Variants in GABRR2 observed in about 807,000 individuals in gnomAD.
GABRR2 encodes gamma-aminobutyric acid receptor subunit rho-2.
In GABRR2, 36 loss-of-function variants were observed where a neutral mutation model predicts 47.0. The ratio of observed to expected loss-of-function variants is 0.77; its 90% CI spans 0.59 to 1.01. The LOEUF is 1.01. GABRR2 is among the 50% of genes least tolerant of loss of function. The probability of loss-of-function intolerance (pLI) is 0.00; values close to 1 mark genes in which losing one functional copy is unlikely to be tolerated. For synonymous variants in GABRR2, 204 were observed against 227.5 expected (o/e 0.90, Z 0.93); for missense variants, 587 against 594.6 (o/e 0.99, Z 0.13).
chr6:89,290,916 G>A (rs1483308848), intron 2 of GABRR2, among the ~76,000 whole-genome samples: 1 of 152,166 alleles, frequency 6.6e-6, no homozygotes. Context: ...GCCTGGCAAT[G>A]GCTCCACATT....
intron 2 of GABRR2, among the ~76,000 whole-genome samples, chr6:89,274,767 T>A (rs755735570): frequency 1.3e-5 from 2 of 151,970 alleles, no homozygotes; most frequent in Non-Finnish European, 2.9e-5. Context: ...CTCAGGAGAC[T>A]GAGGTGGAGA....
chr6:89,313,769 T>G (rs547535432), intron 1 of GABRR2, among the ~76,000 whole-genome samples: 236 of 152,044 alleles, frequency 1.6e-3, no homozygotes, highest in African/African-American at 5.4e-3. Flanking sequence ...ATACAAAAAT[T>G]AGCCAGGCAT....
intron 2 of GABRR2, among the ~76,000 whole-genome samples, chr6:89,275,216 T>A (rs1774136557): frequency 6.6e-6 from 1 of 152,212 alleles, no homozygotes; most frequent in Admixed American, 6.5e-5. Context: ...GCAAGCTAAG[T>A]AATTCACACT....
intron 6 of GABRR2, among the ~76,000 whole-genome samples, chr6:89,267,339 G>A (rs1385051562): frequency 6.6e-6 from 1 of 152,124 alleles, no homozygotes; most frequent in East Asian, 1.9e-4. Context: ...GCCGAGGTAG[G>A]AGGATTGCTT....
intron 2 of GABRR2, among the ~76,000 whole-genome samples, chr6:89,289,731 G>T (rs1219263484): frequency 6.6e-6 from 1 of 152,144 alleles, no homozygotes; most frequent in Non-Finnish European, 1.5e-5. Flanking sequence ...CAAGGTCTTT[G>T]TCTTAGTTCA....
intron 2 of GABRR2, among the ~76,000 whole-genome samples, chr6:89,288,513 C>A (rs1353621349): frequency 1.3e-5 from 2 of 152,256 alleles, no homozygotes; most frequent in South Asian, 4.2e-4. Flanking sequence ...GCATGAGAGC[C>A]CCAGTGAGAA....
At chr6:89,264,634 T>G in intron 7 of GABRR2, 26 bp from the exon 8 acceptor site, 2 of 1,612,724 alleles carry the variant, frequency 1.2e-6, no homozygotes, top group Non-Finnish European at 1.7e-6. Flanking sequence ...TTAGTTGGGC[T>G]GCTGACAGCG....
chr6:89,275,746 G>A (rs970016687), intron 2 of GABRR2, among the ~76,000 whole-genome samples: 2 of 152,160 alleles, frequency 1.3e-5, no homozygotes, highest in South Asian at 2.1e-4. Context: ...GACTTCAAGG[G>A]GCTGTGGGAC....
chr6:89,267,132 T>G (rs1773916889), intron 6 of GABRR2, among the ~76,000 whole-genome samples: 1 of 151,924 alleles, frequency 6.6e-6, no homozygotes, highest in African/African-American at 2.4e-5. Flanking sequence ...CCCGAGTAGC[T>G]GGGATTACAG....
chr6:89,307,781 A>G (rs976668469), intron 1 of GABRR2, among the ~76,000 whole-genome samples: 6 of 112,140 alleles, frequency 5.4e-5, no homozygotes, highest in Non-Finnish European at 9.8e-5. Context: ...ATATACCTCT[A>G]TTTTCCTCCC....
chr6:89,311,517 A>C (rs1767681671), intron 1 of GABRR2, among the ~76,000 whole-genome samples: 1 of 151,230 alleles, frequency 6.6e-6, no homozygotes, highest in South Asian at 2.1e-4. Context: ...CAGACCCTAG[A>C]CTCCTTCCTG....
intron 8 of GABRR2, among the ~76,000 whole-genome samples, chr6:89,261,484 T>C (rs1377366631): frequency 1.3e-5 from 2 of 152,216 alleles, no homozygotes; most frequent in African/African-American, 2.4e-5. Flanking sequence ...GACAAGAGGC[T>C]GAACACACCT....
intron 2 of GABRR2, 35 bp downstream of exon 2, chr6:89,299,724 A>G (rs1430209677): frequency 6.8e-7 from 1 of 1,462,458 alleles, no homozygotes; most frequent in Non-Finnish European, 9.6e-7. Flanking sequence ...CCTGGGGCCA[A>G]CCTCCCACCT....
At chr6:89,304,305 C>T (rs1442547810) in intron 1 of GABRR2, among the ~76,000 whole-genome samples, 3 of 152,112 alleles carry the variant, frequency 2.0e-5, no homozygotes. Context: ...GTGGCTTATG[C>T]CTGTAATTCC....
At chr6:89,287,984 GAGAC>G (rs1382636295) in intron 2 of GABRR2, among the ~76,000 whole-genome samples, 2 of 152,218 alleles carry the variant, frequency 1.3e-5, no homozygotes, top group African/African-American at 4.8e-5. Flanking sequence ...CACACAGTGA[GAGAC>G]AGAGCTGAGG....
At position 89,265,627 on chromosome 6, in the gene GABRR2, G is replaced by T; in HGVS notation, c.875C>A (p.Ala292Asp). 1 of 1,613,664 alleles carries T rather than the reference G, an allele frequency of 6.2e-7. No individual in the cohort carries two copies. Among genetic ancestry groups the T allele is most frequent in the Non-Finnish European group, 8.5e-7 (1 of 1,179,856 alleles). Residue 292 changes from alanine (A) to aspartate (D), a missense_variant, in exon 7 of 9, where the codon GCC (alanine) becomes GAC (aspartate). By Grantham distance (126) the Ala-to-Asp change is moderately radical. Transcript: ENST00000402938. ...SFWIDRRAVP[A>D]RVSLGITTVL... ...AATGCTTTTACCCAGTGAAACTCTG[G>T]CAGGCACAGCTCTGCGGTCGATCCA...
At chr6:89,302,066 G>C in intron 1 of GABRR2, 1 of 645,350 alleles carries the variant, frequency 1.5e-6, no homozygotes, top group South Asian at 1.7e-5. Context: ...TGGTCAGAGT[G>C]GGGCCGGCAA....
At chr6:89,312,524 TGA>T (rs1767697964) in intron 1 of GABRR2, among the ~76,000 whole-genome samples, 1 of 152,192 alleles carries the variant, frequency 6.6e-6, no homozygotes, top group Non-Finnish European at 1.5e-5. Flanking sequence ...GGTATGTGTG[TGA>T]GTGTGACCGT....
intron 8 of GABRR2, among the ~76,000 whole-genome samples, chr6:89,263,520 T>TTTTTA (rs1353682489): frequency 6.6e-6 from 1 of 152,134 alleles, no homozygotes; most frequent in Non-Finnish European, 1.5e-5. Context: ...TAGTATGGTA[T>TTTTTA]TTTTATTTTA....
Sources: allele counts gnomAD v4.1 joint callset (sites outside exome capture counted in the v4.1 genomes callset), GRCh38; gene constraint gnomAD v4.1.1; transcripts MANE v1.5; gene names NCBI Gene and HGNC (gene_info 2026-07-23, HGNC 2026-07-21).